The following SLC25A13 variants were observed in gnomAD, a reference collection of about 807,000 sequenced individuals.
The protein encoded by SLC25A13 is electrogenic aspartate/glutamate antiporter SLC25A13, mitochondrial.
A neutral mutation model predicts 85.5 loss-of-function variants in SLC25A13; 70 were observed. That is an observed-to-expected ratio of 0.82 (90% CI 0.68 to 1.00). SLC25A13 has a LOEUF of 1.00. Ranked by LOEUF, SLC25A13 falls within the 50% of genes least tolerant of loss-of-function variation. The pLI is 0.00. For synonymous variants in SLC25A13, 259 were observed against 288.7 expected, an observed-to-expected ratio of 0.90 and a Z score of 1.04; for missense variants, 765 against 819.8, an observed-to-expected ratio of 0.93 and a Z score of 0.82.
At chr7:96,184,473 A>G (rs1444310393) in intron 10 of SLC25A13, 38 bp from the exon 11 acceptor site, 1 of 1,592,758 alleles carries the variant, frequency 6.3e-7, no homozygotes, top group Non-Finnish European at 8.6e-7. Flanking sequence ...GAAGAAAGTA[A>G]GATAGGTCAG....
intron 3 of SLC25A13, among the ~76,000 whole-genome samples, chr7:96,260,363 A>G (rs1238361270): frequency 6.6e-6 from 1 of 152,248 alleles, no homozygotes; most frequent in South Asian, 2.1e-4. Context: ...AAGGGTTCCT[A>G]CTGGCCAAAG....
intron 11 of SLC25A13, among the ~76,000 whole-genome samples, chr7:96,182,832 T>C (rs762903085): frequency 9.2e-5 from 14 of 152,236 alleles, no homozygotes; most frequent in Non-Finnish European, 1.9e-4. Flanking sequence ...AAAGGCATCC[T>C]TGACATTTAA....
At position 96,193,125 on chromosome 7, in the gene SLC25A13, C is replaced by A. The variant is rs1794925058; in HGVS notation, c.527G>T (p.Gly176Val). ...AFVQRDNART[G>V]RVTAIDFRDI... ...TCGGAAGTCGATGGCTGTGACTCTC[C>A]CAGTCCTAGCATTGTCCCGTTGCAC... is the stretch of plus-strand genomic sequence containing the variant. The change falls in exon 6 of 18, where the codon GGG (glycine) becomes GTG (valine). Residue 176 changes from glycine to valine, a missense_variant. Coordinates refer to ENST00000265631, the MANE Select transcript of SLC25A13 (RefSeq NM_014251.3). 1 of 1,614,034 alleles carries A rather than the reference C, an allele frequency of 6.2e-7. No homozygotes were observed. Among genetic ancestry groups the A allele is most frequent in the East Asian group, 2.2e-5 (1 of 44,866 alleles).
At chr7:96,291,576 T>TA (rs1584577728) in intron 2 of SLC25A13, among the ~76,000 whole-genome samples, 1 of 151,718 alleles carries the variant, frequency 6.6e-6, no homozygotes, top group African/African-American at 2.4e-5. Context: ...ATAGACGCAA[T>TA]AAAAAATGAG....
At chr7:96,156,012 T>C (rs2116518624) in intron 13 of SLC25A13, among the ~76,000 whole-genome samples, 1 of 152,308 alleles carries the variant, frequency 6.6e-6, no homozygotes, top group Non-Finnish European at 1.5e-5. Context: ...TCATTTTCAG[T>C]TTTTTCTTTC....
intron 9 of SLC25A13, among the ~76,000 whole-genome samples, chr7:96,185,470 G>A (rs1794597926): frequency 6.6e-6 from 1 of 152,268 alleles, no homozygotes; most frequent in East Asian, 1.9e-4. Context: ...ATGGTGGCAT[G>A]TGCCTGTAGT....
At chr7:96,241,037 G>GGAAAGAGA (rs1796963168) in intron 3 of SLC25A13, among the ~76,000 whole-genome samples, 1 of 80,614 alleles carries the variant, frequency 1.2e-5, no homozygotes, top group Non-Finnish European at 2.4e-5. Flanking sequence ...AAGAAAGAAA[G>GGAAAGAGA]GAAAGAAAGA....
chr7:96,128,450 C>T (rs1050808166), intron 15 of SLC25A13, among the ~76,000 whole-genome samples: 5 of 152,072 alleles, frequency 3.3e-5, no homozygotes, highest in Non-Finnish European at 5.9e-5. Flanking sequence ...TAGCTTACTT[C>T]GCATTACACA....
At chr7:96,314,103 G>A (rs1313924828) in intron 1 of SLC25A13, among the ~76,000 whole-genome samples, 2 of 151,914 alleles carry the variant, frequency 1.3e-5, no homozygotes, top group Non-Finnish European at 2.9e-5. Flanking sequence ...GAAGAAGGAA[G>A]GAGAAGGAGG....
intron 11 of SLC25A13, among the ~76,000 whole-genome samples, chr7:96,172,696 C>T (rs780733921): frequency 3.9e-5 from 6 of 152,174 alleles, no homozygotes; most frequent in Non-Finnish European, 7.3e-5. Context: ...ATCCTTCAGA[C>T]AGAAACCATG....
intron 11 of SLC25A13, among the ~76,000 whole-genome samples, chr7:96,181,224 C>T (rs1726519055): frequency 6.6e-6 from 1 of 152,184 alleles, no homozygotes; most frequent in Admixed American, 6.5e-5. Context: ...AGAGAGGCTC[C>T]TGGAAATAAA....
At chr7:96,314,355 C>T (rs755464371) in intron 1 of SLC25A13, among the ~76,000 whole-genome samples, 8 of 152,068 alleles carry the variant, frequency 5.3e-5, no homozygotes, top group Non-Finnish European at 8.8e-5. Context: ...AGGAGAAGGA[C>T]ATTTAATTTA....
At chr7:96,197,637 T>A (rs951954324) in intron 5 of SLC25A13, among the ~76,000 whole-genome samples, 1 of 152,200 alleles carries the variant, frequency 6.6e-6, no homozygotes, top group Non-Finnish European at 1.5e-5. Context: ...TCTGAATGTA[T>A]ACTATGGGTT....
At chr7:96,194,518 G>A (rs889295435) in intron 5 of SLC25A13, among the ~76,000 whole-genome samples, 1 of 143,884 alleles carries the variant, frequency 7.0e-6, no homozygotes, top group Admixed American at 7.0e-5. Flanking sequence ...ATATAATGGA[G>A]TTTTTTTAGA....
intron 11 of SLC25A13, among the ~76,000 whole-genome samples, chr7:96,178,203 G>A (rs73710207): frequency 0.016 from 2,466 of 152,290 alleles, 59 homozygotes; most frequent in African/African-American, 0.056. Context: ...GGAAGAAGGC[G>A]CAGGGTCAGG....
chr7:96,288,830 G>A lies in SLC25A13; in HGVS notation c.69+8068C>T, dbSNP rs190395678. Among the ~76,000 whole-genome samples the A allele has an allele frequency of 2.8e-3, 425 of 152,296 alleles. 2 individuals are homozygous for A. The highest frequency in any genetic ancestry group is 6.8e-3 in the Middle Eastern group (2 of 294). ...GGAGTCCTCTGTAGACTCCACCTCT[G>A]GGGGCAGAGCATAGCCGAACAAAAG... On this transcript the variant is annotated intron_variant, in intron 2 of 17. Transcript: ENST00000265631.
At chr7:96,320,340 C>T (rs1162635229) in intron 1 of SLC25A13, among the ~76,000 whole-genome samples, 3 of 152,166 alleles carry the variant, frequency 2.0e-5, no homozygotes, top group Non-Finnish European at 4.4e-5. Context: ...AAGTCTTATA[C>T]TCCATTTCTA....
At position 96,292,534 on chromosome 7, in the gene SLC25A13, C is replaced by T. The variant is rs149123137; in HGVS notation, c.69+4364G>A. Among the ~76,000 whole-genome samples the T allele has an allele frequency of 7.6e-3, 1,150 of 152,258 alleles. 9 individuals are homozygous for T. The highest frequency in any genetic ancestry group is 0.017 in the African/African-American group (726 of 41,536). On this transcript the variant is annotated intron_variant, in intron 2 of 17. Coordinates refer to ENST00000265631, the MANE Select transcript of SLC25A13 (RefSeq NM_014251.3). ...TGATTGTATATTTAGAAAACCCCAT[C>T]GTCTCAGCCCAAAATCTCCTTCAGC...
At chr7:96,212,288 A>G (rs1357630113) in intron 4 of SLC25A13, among the ~76,000 whole-genome samples, 1 of 152,188 alleles carries the variant, frequency 6.6e-6, no homozygotes, top group Non-Finnish European at 1.5e-5. Flanking sequence ...GGGCTTAGCT[A>G]GCTAGCTAGC....
Sources: allele counts gnomAD v4.1 joint callset (sites outside exome capture counted in the v4.1 genomes callset), GRCh38; gene constraint gnomAD v4.1.1; transcripts MANE v1.5; gene names NCBI Gene and HGNC (gene_info 2026-07-23, HGNC 2026-07-21).